Variants in CDK14 observed in about 807,000 individuals in gnomAD.
CDK14 encodes cyclin-dependent kinase 14.
CDK14 carries 34 observed loss-of-function variants against 60.7 expected under a neutral mutation model. That is an observed-to-expected ratio of 0.56 (90% CI 0.43 to 0.75). The LOEUF is 0.75. Ranked by LOEUF, CDK14 falls within the 30% of genes least tolerant of loss-of-function variation. The pLI, the probability that CDK14 is intolerant of heterozygous loss-of-function variation, is 0.00. For synonymous variants in CDK14, 197 were observed against 203.7 expected (o/e 0.97, Z 0.28); for missense variants, 482 against 564.1 (o/e 0.85, Z 1.47).
Position 90,904,249 on chromosome 7 carries a change from C to T in CDK14, c.702+4896C>T, listed in dbSNP as rs889162518. 5.3e-5 allele frequency among the ~76,000 whole-genome samples: 8 copies of T among 152,132 alleles called. No individual in the cohort carries two copies. The South Asian group carries it at 6.3e-4, about 12-fold the overall frequency. The stretch of plus-strand genomic sequence containing the variant: ...TGTGAAGGATCTGATCATTCCAAGA[C>T]GACAGACCTGAAGAATCCAAGAAAC... On this transcript the variant is annotated intron_variant, in intron 7 of 14. Coordinates refer to ENST00000380050, the MANE Select transcript of CDK14 (RefSeq NM_001287135.2).
chr7:90,888,262 A>G (rs944406660), intron 6 of CDK14, among the ~76,000 whole-genome samples: 3 of 152,090 alleles, frequency 2.0e-5, no homozygotes, highest in African/African-American at 7.2e-5. Context: ...AGGCAGGAGA[A>G]TCGCTTGAAC....
chr7:90,652,931 T>C (rs553263101), intron 2 of CDK14, among the ~76,000 whole-genome samples: 13 of 152,304 alleles, frequency 8.5e-5, no homozygotes, highest in Admixed American at 3.3e-4. Flanking sequence ...ATGTGTGTTT[T>C]CAAATATGCT....
rs1481863001 is a variant in CDK14, at chr7:90,596,639, C to G, written c.12C>G (p.Leu4=). 2.9e-5 allele frequency: 46 copies of G among 1,612,004 alleles called. No homozygotes were observed. The highest frequency in any genetic ancestry group is 3.8e-5 in the Non-Finnish European group (45 of 1,179,400). The change falls in exon 1 of 15, where the codon CTC becomes CTG. Residue 4 remains leucine, a synonymous_variant. Transcript: ENST00000380050. Reference sequence around the variant, plus strand: ...TCCGCGTCGCCCAGATGTGTGACCTCATTGAGCCGCAGCCGGCCGAGAAGA... The same window carrying G: ...TCCGCGTCGCCCAGATGTGTGACCTGATTGAGCCGCAGCCGGCCGAGAAGA... The part of the protein sequence containing the change: MCD[L]IEPQPAEKIG...
chr7:91,060,975 G>T (rs1797767301), intron 11 of CDK14, among the ~76,000 whole-genome samples: 1 of 152,088 alleles, frequency 6.6e-6, no homozygotes, highest in African/African-American at 2.4e-5. Flanking sequence ...AGTTCTCCTG[G>T]ATAATATCCT....
intron 2 of CDK14, chr7:90,710,635 G>A (rs907703387): frequency 8.9e-6 from 7 of 787,740 alleles, no homozygotes; most frequent in African/African-American, 1.9e-5. Context: ...ATAATTCTTC[G>A]TGCAGTTCTG....
At chr7:90,702,894 T>G (rs1348416571) in intron 2 of CDK14, among the ~76,000 whole-genome samples, 1 of 152,150 alleles carries the variant, frequency 6.6e-6, no homozygotes, top group Non-Finnish European at 1.5e-5. Flanking sequence ...TTCTTCCTTT[T>G]GAGATTTTCC....
At chr7:90,930,458 A>T (rs1279576565) in intron 8 of CDK14, among the ~76,000 whole-genome samples, 1 of 147,274 alleles carries the variant, frequency 6.8e-6, no homozygotes, top group Admixed American at 6.8e-5. Context: ...TGTGAATGAC[A>T]TGTCTGTGGT....
intron 7 of CDK14, among the ~76,000 whole-genome samples, chr7:90,906,291 A>G (rs572127642): frequency 6.6e-6 from 1 of 152,278 alleles, no homozygotes; most frequent in Middle Eastern, 3.4e-3. Context: ...AAAAACCTCA[A>G]CTGAGCTAAA....
chr7:91,084,509 T>C (rs192963452), intron 12 of CDK14, among the ~76,000 whole-genome samples: 2 of 152,344 alleles, frequency 1.3e-5, no homozygotes, highest in Admixed American at 6.5e-5. Flanking sequence ...ACTCACACCC[T>C]ACCAGTGAGG....
chr7:90,790,507 GGAA>G, intron 4 of CDK14, 63 bp from the exon 5 acceptor site: 1 of 989,848 alleles, frequency 1.0e-6, no homozygotes, highest in Non-Finnish European at 1.5e-6. Flanking sequence ...TAAATTATAA[GGAA>G]GACAATTAGA....
At chr7:90,628,347 C>T (rs1799920494) in intron 2 of CDK14, among the ~76,000 whole-genome samples, 1 of 152,162 alleles carries the variant, frequency 6.6e-6, no homozygotes, top group South Asian at 2.1e-4. Context: ...CTTTCTGTTT[C>T]ATTTTTCACC....
At chr7:90,744,797 CGGCTGGCCGGGCGGGG>C (rs1439131884) in intron 3 of CDK14, among the ~76,000 whole-genome samples, 1 of 118,384 alleles carries the variant, frequency 8.4e-6, no homozygotes, top group Non-Finnish European at 1.8e-5. Context: ...CCGGACGGGG[CGGCTGGCCGGGCGGGG>C]GGCTGACGCC....
Position 91,147,141 on chromosome 7 carries a change from G to GTCTCTCTCTCTCTCTC in CDK14, c.*28+28940_*28+28955dup, listed in dbSNP as rs150638262. Among the ~76,000 whole-genome samples, 130 of 79,124 alleles carry GTCTCTCTCTCTCTCTC rather than the reference G, an allele frequency of 1.6e-3. 3 individuals are homozygous for GTCTCTCTCTCTCTCTC. The highest frequency in any genetic ancestry group is 5.4e-3 in the African/African-American group (122 of 22,396). 51.9% of individuals were successfully genotyped at this position (79,124 alleles called of 152,430 possible). A position where few individuals can be genotyped will look rare whatever the true frequency, so the allele number is the denominator to read the frequency against. On this transcript the variant is annotated intron_variant, in intron 14 of 14. Transcript: ENST00000380050. ...CCCACCTCCACTAGCACCTCTCTCTGTCTCTCTCTCTCTCTCTCTCTCACA... is the reference window on the plus strand; with the variant it reads ...CCCACCTCCACTAGCACCTCTCTCTGTCTCTCTCTCTCTCTCTCTCTCTCTCTCTCTCTCTCTCACA...
At chr7:90,790,823 C>T (rs1245598795) in intron 5 of CDK14, among the ~76,000 whole-genome samples, 171 bp downstream of exon 5, 1 of 152,136 alleles carries the variant, frequency 6.6e-6, no homozygotes, top group Non-Finnish European at 1.5e-5. Flanking sequence ...CATGTCAAAT[C>T]ATGTTAAATG....
intron 5 of CDK14, among the ~76,000 whole-genome samples, chr7:90,795,874 G>A (rs893224763): frequency 3.9e-5 from 6 of 152,108 alleles, no homozygotes; most frequent in Non-Finnish European, 8.8e-5. Flanking sequence ...GGTTCGTAGT[G>A]GTATTGAAGG....
chr7:90,782,042 C>T (rs1381619342), intron 4 of CDK14, among the ~76,000 whole-genome samples: 4 of 152,070 alleles, frequency 2.6e-5, no homozygotes, highest in Admixed American at 1.3e-4. Context: ...ATTCTTCTTA[C>T]CCATGAGCAT....
chr7:90,611,102 C>G (rs946298955), intron 2 of CDK14, among the ~76,000 whole-genome samples: 7 of 152,160 alleles, frequency 4.6e-5, no homozygotes, highest in African/African-American at 1.2e-4. Flanking sequence ...TCCTTTCCCT[C>G]TTTTCTACTC....
chr7:90,988,528 A>G (rs1335248371), intron 10 of CDK14, among the ~76,000 whole-genome samples: 1 of 152,232 alleles, frequency 6.6e-6, no homozygotes, highest in East Asian at 1.9e-4. Context: ...ATAAGCAGCA[A>G]ATGCATTCAT....
chr7:90,610,183 G>A (rs1446629949), intron 2 of CDK14, among the ~76,000 whole-genome samples: 4 of 152,068 alleles, frequency 2.6e-5, no homozygotes, highest in African/African-American at 7.2e-5. Flanking sequence ...ATCACTCAGG[G>A]AACATCACTC....
Sources: allele counts gnomAD v4.1 joint callset (sites outside exome capture counted in the v4.1 genomes callset), GRCh38; gene constraint gnomAD v4.1.1; transcripts MANE v1.5; gene names NCBI Gene and HGNC (gene_info 2026-07-23, HGNC 2026-07-21).